TMEM201: variants seen among roughly 807,000 people sequenced by gnomAD.
The protein encoded by TMEM201 is RP13-15M17.2.
TMEM201 carries 26 observed loss-of-function variants against 63.4 expected under a neutral mutation model. The ratio of observed to expected loss-of-function variants is 0.41; its 90% CI spans 0.30 to 0.57. The LOEUF (loss-of-function observed/expected upper bound fraction) is 0.57, where lower values mean the gene tolerates loss of function less well. Ranked by LOEUF, TMEM201 falls within the 20% of genes least tolerant of loss-of-function variation. The pLI is 0.29. For synonymous variants in TMEM201, 417 were observed against 421.6 expected (o/e 0.99, Z 0.14); for missense variants, 794 against 917.7 (o/e 0.87, Z 1.74).
chr1:9,601,529 A>G, intron 5 of TMEM201, 75 bp downstream of exon 5: 1 of 1,396,236 alleles, frequency 7.2e-7, no homozygotes, highest in Non-Finnish European at 9.6e-7. Flanking sequence ...GCGGGGGCCA[A>G]GAGACCCCAT....
At chr1:9,597,283 C>T (rs1644043552) in intron 3 of TMEM201, among the ~76,000 whole-genome samples, 2 of 152,242 alleles carry the variant, frequency 1.3e-5, no homozygotes, top group Non-Finnish European at 2.9e-5. Context: ...TGCTTCTCCC[C>T]ATGTCTTACA....
intron 6 of TMEM201, chr1:9,602,888 C>T: frequency 1.0e-6 from 1 of 985,706 alleles, no homozygotes; most frequent in Non-Finnish European, 1.2e-6. Context: ...GGAGGCCGAG[C>T]TGCAGCTCTG....
In TMEM201 at chr1:9,608,070, T is replaced by G. The variant is rs1451416220; in HGVS notation, c.1393+281T>G. On this transcript the variant is annotated intron_variant, in intron 7 of 10. Coordinates refer to ENST00000340381, the MANE Select transcript of TMEM201 (RefSeq NM_001130924.3). The surrounding 1 kb of genome is among the most constrained non-coding windows in gnomAD (Gnocchi z 4.3). Reference sequence around the variant, plus strand: ...CTGGGCAACATAGGGAGACGCTGTCTCTACAAAAAAAGTTGTTTTAATTAA... The same window carrying G: ...CTGGGCAACATAGGGAGACGCTGTCGCTACAAAAAAAGTTGTTTTAATTAA... Among the ~76,000 whole-genome samples the G allele has an allele frequency of 6.6e-6, 1 of 152,094 alleles. No individual in the cohort carries two copies. The highest frequency in any genetic ancestry group is 1.5e-5 in the Non-Finnish European group (1 of 68,016).
chr1:9,588,912 T>A lies in TMEM201; in HGVS notation c.-19T>A. ...CGCCTACCCCCCTGCCGGCCTGCCG[T>A]CCTTCCACGCGGAGAGCCATGGAGG... is the stretch of plus-strand genomic sequence containing the variant. On this transcript the variant is annotated 5_prime_UTR_variant, in exon 1 of 11. Coordinates refer to ENST00000340381, the MANE Select transcript of TMEM201 (RefSeq NM_001130924.3). The A allele has an allele frequency of 8.1e-7, 1 of 1,236,628 alleles. No individual in the cohort carries two copies. 76.6% of individuals were successfully genotyped at this position (1,236,628 alleles called of 1,614,324 possible).
intron 1 of TMEM201, among the ~76,000 whole-genome samples, chr1:9,594,401 C>T (rs1643976468): frequency 6.6e-6 from 1 of 152,164 alleles, no homozygotes; most frequent in Admixed American, 6.5e-5. Context: ...CCCCTGTGGG[C>T]CCTGGGCCTT....
At chr1:9,592,713 G>A (rs1247241996) in intron 1 of TMEM201, among the ~76,000 whole-genome samples, 2 of 152,228 alleles carry the variant, frequency 1.3e-5, no homozygotes, top group Non-Finnish European at 2.9e-5. Flanking sequence ...CAGTGTGTAT[G>A]TTGGGCTTGT....
Position 9,596,933 on chromosome 1 carries a change from C to T in TMEM201, c.309C>T (p.Ser103=), listed in dbSNP as rs753394690. The change falls in exon 3 of 11, where the codon AGC becomes AGT. Residue 103 remains serine (S), a synonymous_variant. Coordinates refer to ENST00000340381, the MANE Select transcript of TMEM201 (RefSeq NM_001130924.3). ...ACCACGTGGTGAGCAGCGCGCCCAG[C>T]CTGCGCGACCCTTCGCAGCCGCAGC... is the stretch of plus-strand genomic sequence containing the variant. The part of the protein sequence containing the change: ...HLNHVVSSAP[S]LRDPSQPQQW... 1 of 1,612,752 alleles carries T rather than the reference C, an allele frequency of 6.2e-7. No individual in the cohort carries two copies. The highest frequency in any genetic ancestry group is 8.5e-7 in the Non-Finnish European group (1 of 1,179,610).
intron 1 of TMEM201, among the ~76,000 whole-genome samples, chr1:9,593,402 G>A (rs1338986949): frequency 6.6e-6 from 1 of 152,190 alleles, no homozygotes; most frequent in Non-Finnish European, 1.5e-5. Context: ...GGACCCCCTG[G>A]CAGGTAGGGC....
At chr1:9,589,122 C>T in intron 1 of TMEM201, 79 bp downstream of exon 1, 1 of 669,500 alleles carries the variant, frequency 1.5e-6, no homozygotes, top group Non-Finnish European at 1.8e-6. Flanking sequence ...GCCCGCTGCC[C>T]CCCTCGGCCG....
intron 1 of TMEM201, 144 bp from the exon 2 acceptor site, chr1:9,595,746 C>A: frequency 1.7e-6 from 2 of 1,189,332 alleles, no homozygotes; most frequent in South Asian, 1.4e-5. Context: ...TGTTCTGGGG[C>A]CAGCATCTCC....
In TMEM201 at chr1:9,608,879, G is replaced by A. The variant is rs1312355803; in HGVS notation, c.1394-961G>A. Among the ~76,000 whole-genome samples, 4 of 152,228 alleles carry A rather than the reference G, an allele frequency of 2.6e-5. No individual in the cohort carries two copies. Among genetic ancestry groups the A allele is most frequent in the African/African-American group, 7.2e-5 (3 of 41,460 alleles). On this transcript the variant is annotated intron_variant, in intron 7 of 10. Coordinates refer to ENST00000340381, the MANE Select transcript of TMEM201 (RefSeq NM_001130924.3). This position sits in a 1 kb window ranked among gnomAD's most constrained non-coding sequence, Gnocchi z 4.3. ...TGTCTTGGAGTGTCCGGTGACAGAT[G>A]GGACCCCAGTCTCCATTACCAGAGT...
In TMEM201 at chr1:9,603,374, G is replaced by A. The variant is rs1165746931; in HGVS notation, c.1160+1102G>A. 7.1e-6 allele frequency: 7 copies of A among 985,408 alleles called. No homozygotes were observed. The highest frequency in any genetic ancestry group is 1.1e-4 in the East Asian group (1 of 8,824). The allele number at this position is 985,408 out of a possible 1,614,324, so 61.0% of individuals were successfully genotyped here. ...CTCATGAGGACACACTCTGGAAGTC[G>A]AGGGGCTGCCACGTGCAGAGGAAGT... On this transcript the variant is annotated intron_variant, in intron 6 of 10. Transcript: ENST00000340381. This position sits in a 1 kb window ranked among gnomAD's most constrained non-coding sequence, Gnocchi z 4.5.
rs567448978 is a variant in TMEM201, at chr1:9,610,595, G to A, written c.1555G>A (p.Gly519Ser). 3.7e-5 allele frequency: 58 copies of A among 1,550,304 alleles called. No homozygotes were observed. Among genetic ancestry groups the A allele is most frequent in the African/African-American group, 2.1e-4 (15 of 73,080 alleles). Reference protein sequence around the residue: ...SVAGSVASSSGSLRHRRPLIS... With the variant: ...SVAGSVASSSSSLRHRRPLIS... ...GGCCGGCTCGGTGGCCTCCAGCTCC[G>A]GCTCTCTGCGCCACCGCAGGCCCCT... Residue 519 changes from glycine (G) to serine (S), a missense_variant, in exon 9 of 11, where the codon GGC (glycine) becomes AGC (serine). Transcript: ENST00000340381. The surrounding 1 kb of genome is among the most constrained non-coding windows in gnomAD (Gnocchi z 4.9).
In TMEM201 at chr1:9,601,165, C is replaced by G; in HGVS notation, c.667C>G (p.Leu223Val). 6.2e-7 allele frequency: 1 copy of G among 1,609,738 alleles called. No homozygotes were observed. The highest frequency in any genetic ancestry group is 8.5e-7 in the Non-Finnish European group (1 of 1,176,658). ...QVILLRALAF[L>V]ACAFLLTTAL... The stretch of plus-strand genomic sequence containing the variant: ...CATCCTGCTCCGTGCCCTCGCCTTC[C>G]TGGCCTGCGCCTTCCTACTGACCAC... The change falls in exon 5 of 11, where the codon CTG becomes GTG. Residue 223 changes from leucine to valine, a missense_variant. Coordinates refer to ENST00000340381, the MANE Select transcript of TMEM201 (RefSeq NM_001130924.3).
Position 9,610,972 on chromosome 1 carries a change from G to T in TMEM201, c.1765+167G>T, listed in dbSNP as rs1327773132. ...GGCTCTGGTGACTTGAACCCTCTGGGACATTGACCTCTAATGGCTGATTTC... is the reference window on the plus strand; with the variant it reads ...GGCTCTGGTGACTTGAACCCTCTGGTACATTGACCTCTAATGGCTGATTTC... On this transcript the variant is annotated intron_variant, in intron 9 of 10. Coordinates refer to ENST00000340381, the MANE Select transcript of TMEM201 (RefSeq NM_001130924.3). The surrounding 1 kb of genome is among the most constrained non-coding windows in gnomAD (Gnocchi z 4.9). 2 of 1,526,626 alleles carry T rather than the reference G, an allele frequency of 1.3e-6. No homozygotes were observed. Among genetic ancestry groups the T allele is most frequent in the Non-Finnish European group, 1.8e-6 (2 of 1,141,650 alleles). 94.6% of individuals were successfully genotyped at this position (1,526,626 alleles called of 1,614,324 possible).
At position 9,598,613 on chromosome 1, in the gene TMEM201, G is replaced by A; in HGVS notation, c.594G>A (p.Gln198=). The change falls in exon 4 of 11, where the codon CAG becomes CAA. Residue 198 remains glutamine, a synonymous_variant. Transcript: ENST00000340381. The part of the protein sequence containing the change: ...SHQFKRREAD[Q]THAQNFSSAV... ...AGTTCAAGCGCCGGGAGGCCGACCAGACCCACGCACAGGTGAGAGGCGGCA... is the reference window on the plus strand; with the variant it reads ...AGTTCAAGCGCCGGGAGGCCGACCAAACCCACGCACAGGTGAGAGGCGGCA... 1 of 1,613,068 alleles carries A rather than the reference G, an allele frequency of 6.2e-7. No homozygotes were observed. The highest frequency in any genetic ancestry group is 1.7e-5 in the Admixed American group (1 of 60,016).
intron 1 of TMEM201, among the ~76,000 whole-genome samples, chr1:9,593,332 C>T (rs142625733): frequency 2.0e-5 from 3 of 152,302 alleles, no homozygotes; most frequent in Non-Finnish European, 2.9e-5. Flanking sequence ...CCCCATCGAC[C>T]CCTGGCCTAC....
chr1:9,589,832 T>G (rs1474186343), intron 1 of TMEM201, among the ~76,000 whole-genome samples: 2 of 152,176 alleles, frequency 1.3e-5, no homozygotes, highest in Non-Finnish European at 2.9e-5. Context: ...AGTGGGGTTG[T>G]GAGAACATCC....
chr1:9,610,453 A>G lies in TMEM201; in HGVS notation c.1466-53A>G, dbSNP rs946911598. On this transcript the variant is annotated intron_variant, in intron 8 of 10. Coordinates refer to ENST00000340381, the MANE Select transcript of TMEM201 (RefSeq NM_001130924.3). The surrounding 1 kb of genome is among the most constrained non-coding windows in gnomAD (Gnocchi z 4.9). ...CCCCAGAAATGAAATAGCGCATTGTAGCGTTGCAGTGACAGGAGCCCACGT... is the reference window on the plus strand; with the variant it reads ...CCCCAGAAATGAAATAGCGCATTGTGGCGTTGCAGTGACAGGAGCCCACGT... 6 of 1,421,612 alleles carry G rather than the reference A, an allele frequency of 4.2e-6. No homozygotes were observed. Among genetic ancestry groups the G allele is most frequent in the Non-Finnish European group, 4.7e-6 (5 of 1,069,832 alleles). The allele number at this position is 1,421,612 out of a possible 1,614,324, so 88.1% of individuals were successfully genotyped here. A position where few individuals can be genotyped will look rare whatever the true frequency, so the allele number is the denominator to read the frequency against.
Sources: allele counts gnomAD v4.1 joint callset (sites outside exome capture counted in the v4.1 genomes callset), GRCh38; gene constraint gnomAD v4.1.1; non-coding constraint Gnocchi (gnomAD v3.1); transcripts MANE v1.5; gene names NCBI Gene and HGNC (gene_info 2026-07-23, HGNC 2026-07-21).